The following MEGF6 variants were observed in gnomAD, a reference collection of about 807,000 sequenced individuals.
MEGF6 encodes the protein multiple EGF like domains 6, also known as multiple epidermal growth factor-like domains protein 6.
A neutral mutation model predicts 207.1 loss-of-function variants in MEGF6; 184 were observed. The observed-to-expected ratio is 0.89, with a 90% confidence interval of 0.79 to 1.00. The LOEUF is 1.00. MEGF6 is among the 50% of genes least tolerant of loss of function. The pLI is 0.00. For missense variants in MEGF6, 2,282 were observed against 2,202.9 expected, an observed-to-expected ratio of 1.04 and a Z score of -0.72; for synonymous variants, 1,038 against 910.0, an observed-to-expected ratio of 1.14 and a Z score of -2.53.
intron 13 of MEGF6, 48 bp downstream of exon 13, chr1:3,508,510 G>T: frequency 6.3e-7 from 1 of 1,590,076 alleles, no homozygotes; most frequent in South Asian, 1.1e-5. Flanking sequence ...CAGGTCTTGG[G>T]GCTCAGAGGC....
Position 3,506,228 on chromosome 1 carries a change from TG to T in MEGF6, c.1797del (p.Lys600ArgfsTer111). ...VSGTNCEDGC[P>X]KGYYGKHCRK... ...CGACAGTGCTTGCCATAGTAGCCCT[TG>T]GGGCAGCCTGGGGGCAGCGGGGCTC... On this transcript the variant is annotated frameshift_variant, in exon 15 of 37. Transcript: ENST00000356575. LOFTEE classifies it high-confidence loss of function. 1 of 1,608,204 alleles carries T rather than the reference TG, an allele frequency of 6.2e-7. No individual in the cohort carries two copies. The highest frequency in any genetic ancestry group is 1.1e-5 in the South Asian group (1 of 90,186).
At chr1:3,581,978 A>T (rs1456226094) in intron 3 of MEGF6, among the ~76,000 whole-genome samples, 1 of 145,876 alleles carries the variant, frequency 6.9e-6, no homozygotes, top group East Asian at 2.2e-4. Context: ...AACAAAGGGG[A>T]AAAGGGGCGT....
intron 20 of MEGF6, 42 bp from the exon 21 acceptor site, chr1:3,500,806 G>T: frequency 6.3e-7 from 1 of 1,596,138 alleles, no homozygotes. Flanking sequence ...GCCCAAGCGC[G>T]GGCCACGGGC....
At chr1:3,583,378 A>ACCAGACAACGCG (rs1643849195) in intron 3 of MEGF6, among the ~76,000 whole-genome samples, 1 of 36,960 alleles carries the variant, frequency 2.7e-5, no homozygotes, top group Non-Finnish European at 4.6e-5. Flanking sequence ...CAGACAACCC[A>ACCAGACAACGCG]CAGCCACCAG....
At chr1:3,511,814 T>C (rs2101053180) in intron 8 of MEGF6, 127 bp from the exon 9 acceptor site, 1 of 1,465,354 alleles carries the variant, frequency 6.8e-7, no homozygotes, top group Non-Finnish European at 9.2e-7. Context: ...AGCAGCAACA[T>C]GGAGCTCCCA....
In MEGF6 at chr1:3,496,998, G is replaced by A. The variant is rs1201828052; in HGVS notation, c.3603C>T (p.Ser1201=). 3.9e-6 allele frequency: 6 copies of A among 1,549,822 alleles called. No individual in the cohort carries two copies. Among genetic ancestry groups the A allele is most frequent in the African/African-American group, 2.7e-5 (2 of 73,132 alleles). The change falls in exon 28 of 37, where the codon AGC becomes AGT. Residue 1201 remains serine (S), a synonymous_variant. Transcript: ENST00000356575. ...CSCAAGYHGP[S]CQQRCPPGRY... is the part of the protein sequence containing the mutation. ...ACGGGCAGCACTCACGTTGCTGGCAGCTGGGGCCGTGGTAGCCAGCAGCAC... is the reference window on the plus strand; with the variant it reads ...ACGGGCAGCACTCACGTTGCTGGCAACTGGGGCCGTGGTAGCCAGCAGCAC...
chr1:3,537,421 A>G (rs1642366377), intron 4 of MEGF6, among the ~76,000 whole-genome samples: 1 of 152,226 alleles, frequency 6.6e-6, no homozygotes, highest in Admixed American at 6.5e-5. Context: ...TGTTGCAGGG[A>G]GAAGGTTACA....
chr1:3,556,942 G>A lies in MEGF6; in HGVS notation c.481+22883C>T, dbSNP rs773100716. 3.9e-5 allele frequency among the ~76,000 whole-genome samples: 6 copies of A among 152,230 alleles called. No homozygotes were observed. The highest frequency in any genetic ancestry group is 7.2e-5 in the African/African-American group (3 of 41,458). ...CGACCTGACCTAGGAAGCCGATCCCGGCTTATCTGGGGGGCCTGGTGGAAT... is the reference window on the plus strand; with the variant it reads ...CGACCTGACCTAGGAAGCCGATCCCAGCTTATCTGGGGGGCCTGGTGGAAT... On this transcript the variant is annotated intron_variant, in intron 4 of 36. Coordinates refer to ENST00000356575, the MANE Select transcript of MEGF6 (RefSeq NM_001409.4). The surrounding 1 kb of genome is among the most constrained non-coding windows in gnomAD (Gnocchi z 4.4).
chr1:3,526,575 T>A (rs1414816455), intron 4 of MEGF6, among the ~76,000 whole-genome samples: 1 of 152,136 alleles, frequency 6.6e-6, no homozygotes, highest in Non-Finnish European at 1.5e-5. Flanking sequence ...ATTTTTGTAT[T>A]TTTAATAGAG....
Position 3,581,062 on chromosome 1 carries a change from G to A in MEGF6, c.377-1133C>T, listed in dbSNP as rs980169331. Among the ~76,000 whole-genome samples the A allele has an allele frequency of 7.2e-5, 11 of 152,236 alleles. No homozygotes were observed. In the East Asian group the frequency reaches 7.7e-4, roughly 11 times the overall value. ...CAGCCCCAGACCAGGGGCTGTGCCC[G>A]GTGGGGAAACTGAGGCTCAGAGACT... is the stretch of plus-strand genomic sequence containing the variant. On this transcript the variant is annotated intron_variant, in intron 3 of 36. Transcript: ENST00000356575.
chr1:3,491,670 G>T (rs928144328), intron 35 of MEGF6, among the ~76,000 whole-genome samples: 2 of 149,426 alleles, frequency 1.3e-5, no homozygotes, highest in African/African-American at 4.9e-5. Context: ...CCCGGCCTTT[G>T]CCCCGCCCAC....
intron 36 of MEGF6, 147 bp from the exon 37 acceptor site, chr1:3,490,736 C>A (rs1557708252): frequency 5.1e-6 from 6 of 1,183,524 alleles, no homozygotes; most frequent in Non-Finnish European, 7.3e-6. Flanking sequence ...TCCTTCCCAG[C>A]CTGTCCTTCC....
At chr1:3,609,613 G>A (rs1166510613) in intron 1 of MEGF6, among the ~76,000 whole-genome samples, 1 of 152,254 alleles carries the variant, frequency 6.6e-6, no homozygotes, top group East Asian at 1.9e-4. Context: ...AGAAGGGAGA[G>A]GAGGGGAGGC....
the MEGF6 span, among the ~76,000 whole-genome samples, chr1:3,619,557 C>G: frequency 2.0e-5 from 3 of 149,072 alleles, no homozygotes; most frequent in East Asian, 2.0e-4. Flanking sequence ...TTGCTGTTCT[C>G]GTGATAGTCA....
intron 4 of MEGF6, among the ~76,000 whole-genome samples, chr1:3,541,896 T>C (rs1384836956): frequency 6.6e-6 from 1 of 152,096 alleles, no homozygotes; most frequent in East Asian, 1.9e-4. Flanking sequence ...CCCTTTGCTC[T>C]TGAGAAGGGT....
At chr1:3,587,866 ACAGGAGTGGCCAGGAGTGGC>A (rs113503364) in intron 3 of MEGF6, among the ~76,000 whole-genome samples, 2 of 74,892 alleles carry the variant, frequency 2.7e-5, no homozygotes, top group East Asian at 3.7e-4. Flanking sequence ...CCAGGAGGGG[ACAGGAGTGGCCAGGAGTGGC>A]CAGGAGGGGG....
chr1:3,501,373 T>C (rs974446593), intron 18 of MEGF6, 65 bp from the exon 19 acceptor site: 49 of 1,523,892 alleles, frequency 3.2e-5, no homozygotes, highest in Non-Finnish European at 3.9e-5. Context: ...CAACATAACA[T>C]GGCACGATGC....
In MEGF6 at chr1:3,492,781, G is replaced by C. The variant is rs1557710277; in HGVS notation, c.4388-14C>G. ...CCCTTCTGCAATCTGCAAGGCGGAGGGGGCGGGAGACAAACCTGAGCATCA... is the reference window on the plus strand; with the variant it reads ...CCCTTCTGCAATCTGCAAGGCGGAGCGGGCGGGAGACAAACCTGAGCATCA... On this transcript the variant is annotated splice_polypyrimidine_tract_variant and intron_variant, in intron 34 of 36. Coordinates refer to ENST00000356575, the MANE Select transcript of MEGF6 (RefSeq NM_001409.4). The C allele has an allele frequency of 6.2e-7, 1 of 1,603,598 alleles. No homozygotes were observed. The highest frequency in any genetic ancestry group is 1.1e-5 in the South Asian group (1 of 90,826).
chr1:3,542,134 G>A (rs969804870), intron 4 of MEGF6, among the ~76,000 whole-genome samples: 2 of 152,224 alleles, frequency 1.3e-5, no homozygotes, highest in Non-Finnish European at 2.9e-5. Flanking sequence ...TCTCCTGGAA[G>A]GAGGGGTCAG....
Sources: allele counts gnomAD v4.1 joint callset (sites outside exome capture counted in the v4.1 genomes callset), GRCh38; gene constraint gnomAD v4.1.1; non-coding constraint Gnocchi (gnomAD v3.1); transcripts MANE v1.5; gene names NCBI Gene and HGNC (gene_info 2026-07-23, HGNC 2026-07-21).